The following TMEM132C variants were observed in gnomAD, a reference collection of about 807,000 sequenced individuals.
TMEM132C encodes protein phosphatase 1, regulatory subunit 152.
In TMEM132C, 29 loss-of-function variants were observed where a neutral mutation model predicts 61.4. That is an observed-to-expected ratio of 0.47 (90% CI 0.35 to 0.64). TMEM132C has a LOEUF of 0.64. Among genes scored for constraint, TMEM132C ranks in the 30% least tolerant of loss-of-function variants. The probability of loss-of-function intolerance (pLI) is 0.00; values close to 1 mark genes in which losing one functional copy is unlikely to be tolerated. For synonymous variants in TMEM132C, 656 were observed against 633.1 expected, an observed-to-expected ratio of 1.04 and a Z score of -0.54; for missense variants, 1,408 against 1,476.9, an observed-to-expected ratio of 0.95 and a Z score of 0.76.
rs186063629 is a variant in TMEM132C at position 128,517,871 on chromosome 12, G to A, written c.975-26086G>A. 2.6e-3 allele frequency among the ~76,000 whole-genome samples: 391 copies of A among 152,308 alleles called. 6 individuals carry two copies. The highest frequency in any genetic ancestry group is 1.2e-3 in the Non-Finnish European group (83 of 68,026). ...GATTGAGCTCTTTCTGCAAATCTTC[G>A]TGTAATGCCGGGGAGGAAGGCCTCA... On this transcript the variant is annotated intron_variant, in intron 2 of 8. Coordinates refer to ENST00000435159, the MANE Select transcript of TMEM132C (RefSeq NM_001136103.3).
At chr12:128,393,484 A>C (rs898119828) in intron 1 of TMEM132C, among the ~76,000 whole-genome samples, 3 of 152,144 alleles carry the variant, frequency 2.0e-5, no homozygotes, top group Non-Finnish European at 4.4e-5. Context: ...CTGCAGAATC[A>C]ATTTTGTCTT....
At chr12:128,362,609 A>ATT (rs1274606083) in intron 1 of TMEM132C, among the ~76,000 whole-genome samples, 1 of 152,204 alleles carries the variant, frequency 6.6e-6, no homozygotes, top group Non-Finnish European at 1.5e-5. Context: ...GAATATCTGC[A>ATT]TGTAATATCA....
In TMEM132C at chr12:128,358,194, G is replaced by A. The variant is rs1343791416; in HGVS notation, c.86-56538G>A. 1.3e-4 allele frequency among the ~76,000 whole-genome samples: 20 copies of A among 152,138 alleles called. 1 individual carries two copies. Among genetic ancestry groups the A allele is most frequent in the Non-Finnish European group, 1.5e-5 (1 of 68,038 alleles). ...TTCACAGGGAGTGGAGAAGGGAAAGGAGTGGCCTCAGGCTGTGGCTACTCA... is the reference window on the plus strand; with the variant it reads ...TTCACAGGGAGTGGAGAAGGGAAAGAAGTGGCCTCAGGCTGTGGCTACTCA... On this transcript the variant is annotated intron_variant, in intron 1 of 8. Transcript: ENST00000435159.
At chr12:128,534,069 G>T (rs1361762955) in intron 2 of TMEM132C, among the ~76,000 whole-genome samples, 1 of 152,176 alleles carries the variant, frequency 6.6e-6, no homozygotes, top group East Asian at 1.9e-4. Flanking sequence ...AGCTGACCAT[G>T]AGATAGATGG....
At chr12:128,691,874 C>T (rs1349505264) in intron 5 of TMEM132C, among the ~76,000 whole-genome samples, 1 of 151,754 alleles carries the variant, frequency 6.6e-6, no homozygotes, top group East Asian at 1.9e-4. Context: ...CCTGTCCACC[C>T]ATCCATTCAT....
intron 3 of TMEM132C, among the ~76,000 whole-genome samples, chr12:128,592,707 G>A (rs1278665709): frequency 1.3e-5 from 2 of 152,220 alleles, no homozygotes; most frequent in South Asian, 2.1e-4. Flanking sequence ...TTAGGGGATG[G>A]GGAGAGAAGA....
At chr12:128,444,727 C>A (rs1482868111) in intron 2 of TMEM132C, among the ~76,000 whole-genome samples, 1 of 152,196 alleles carries the variant, frequency 6.6e-6, no homozygotes, top group African/African-American at 2.4e-5. Flanking sequence ...TTGTTCTGAG[C>A]AAAGACTCAG....
intron 2 of TMEM132C, among the ~76,000 whole-genome samples, chr12:128,454,919 T>C (rs549145889): frequency 1.3e-5 from 2 of 152,288 alleles, no homozygotes; most frequent in East Asian, 3.9e-4. Context: ...GTTGATCCTG[T>C]CCCCTGTTAA....
chr12:128,492,742 T>A (rs1323299357), intron 2 of TMEM132C, among the ~76,000 whole-genome samples: 1 of 152,256 alleles, frequency 6.6e-6, no homozygotes, highest in Non-Finnish European at 1.5e-5. Context: ...TCGTAGATTC[T>A]GGATATTAGC....
intron 2 of TMEM132C, among the ~76,000 whole-genome samples, chr12:128,460,305 C>T (rs1038516083): frequency 2.6e-5 from 4 of 152,210 alleles, no homozygotes; most frequent in Non-Finnish European, 5.9e-5. Flanking sequence ...CCATCTCTCA[C>T]CCCTGCTTTC....
chr12:128,632,677 C>T (rs1954073198), intron 4 of TMEM132C, among the ~76,000 whole-genome samples: 1 of 152,210 alleles, frequency 6.6e-6, no homozygotes, highest in South Asian at 2.1e-4. Flanking sequence ...CAGCCCTTTT[C>T]TTTGCACCTC....
intron 1 of TMEM132C, among the ~76,000 whole-genome samples, chr12:128,310,525 CAAG>C (rs1427037235): frequency 2.6e-5 from 4 of 151,928 alleles, no homozygotes; most frequent in Non-Finnish European, 4.4e-5. Flanking sequence ...AGGGAGCAAG[CAAG>C]AGAGAGTGGG....
chr12:128,493,531 A>G (rs1451419072), intron 2 of TMEM132C, among the ~76,000 whole-genome samples: 4 of 152,156 alleles, frequency 2.6e-5, no homozygotes, highest in Non-Finnish European at 5.9e-5. Context: ...TTCATTGAGC[A>G]GTGGTTTGTA....
chr12:128,272,185 C>A (rs544463734), intron 1 of TMEM132C, among the ~76,000 whole-genome samples: 1 of 152,134 alleles, frequency 6.6e-6, no homozygotes, highest in African/African-American at 2.4e-5. Context: ...CTTTGTAGCC[C>A]CCTCCTTCCT....
intron 8 of TMEM132C, among the ~76,000 whole-genome samples, chr12:128,698,324 C>T (rs781510730): frequency 3.3e-5 from 5 of 152,300 alleles, no homozygotes; most frequent in South Asian, 2.1e-4. Flanking sequence ...AGGATGGGCT[C>T]GTCTGACCCT....
intron 1 of TMEM132C, among the ~76,000 whole-genome samples, chr12:128,393,524 A>C (rs1191278618): frequency 6.6e-6 from 1 of 152,212 alleles, no homozygotes; most frequent in East Asian, 1.9e-4. Context: ...AGGAGGTTAT[A>C]TTCCAATTTC....
chr12:128,329,618 T>C (rs916676971), intron 1 of TMEM132C, among the ~76,000 whole-genome samples: 6 of 152,166 alleles, frequency 3.9e-5, no homozygotes, highest in African/African-American at 1.2e-4. Flanking sequence ...GTCCCACAGA[T>C]GGATGCCCCT....
At chr12:128,531,386 C>T (rs775436831) in intron 2 of TMEM132C, among the ~76,000 whole-genome samples, 4 of 152,172 alleles carry the variant, frequency 2.6e-5, no homozygotes, top group Non-Finnish European at 5.9e-5. Context: ...ATTGGAAACA[C>T]GTTTGACTGC....
chr12:128,391,253 T>C (rs1459978959), intron 1 of TMEM132C, among the ~76,000 whole-genome samples: 1 of 152,222 alleles, frequency 6.6e-6, no homozygotes, highest in Non-Finnish European at 1.5e-5. Context: ...CAGGATGGCC[T>C]TGGAGGAGTG....
Sources: gnomAD v4.1 joint callset for allele counts (sites outside exome capture counted in the v4.1 genomes callset) on GRCh38, gnomAD v4.1.1 for gene constraint, MANE v1.5 for transcripts, NCBI Gene and HGNC (gene_info 2026-07-23, HGNC 2026-07-21) for gene names.